Variants in SYNE3 observed in about 807,000 individuals in gnomAD.
SYNE3 encodes the protein spectrin repeat containing nuclear envelope family member 3, also known as nesprin-3.
In SYNE3, 100 loss-of-function variants were observed where a neutral mutation model predicts 111.2. The ratio of observed to expected loss-of-function variants is 0.90; its 90% CI spans 0.77 to 1.06. The LOEUF is 1.06. Ranked by LOEUF, SYNE3 falls within the 50% of genes least tolerant of loss-of-function variation. The pLI is 0.00. For missense variants in SYNE3, 1,160 were observed against 1,240.3 expected (o/e 0.94, Z 0.97); for synonymous variants, 547 against 533.9 (o/e 1.02, Z -0.34).
intron 17 of SYNE3, among the ~76,000 whole-genome samples, chr14:95,420,711 A>AC: frequency 6.6e-6 from 1 of 150,786 alleles, no homozygotes; most frequent in African/African-American, 2.4e-5. Flanking sequence ...TGCTTAGGAA[A>AC]ACACACACAC....
At chr14:95,439,297 A>G (rs759134093) in intron 13 of SYNE3, 135 bp from the exon 14 acceptor site, 22 of 1,312,510 alleles carry the variant, frequency 1.7e-5, no homozygotes, top group Non-Finnish European at 2.4e-5. Context: ...AATGTTCCTG[A>G]GGCATGCTCA....
rs535784290 is a variant in SYNE3, at chr14:95,445,949, A to T, written c.1592T>A (p.Leu531Gln). 1 of 1,614,138 alleles carries T rather than the reference A, an allele frequency of 6.2e-7. No individual in the cohort carries two copies. The highest frequency in any genetic ancestry group is 1.1e-5 in the South Asian group (1 of 91,082). Residue 531 changes from leucine to glutamine, a missense_variant, in exon 9 of 18, where the codon CTG becomes CAG. Leu to Gln is a moderately radical substitution (Grantham distance 113). Coordinates refer to ENST00000682763, the MANE Select transcript of SYNE3 (RefSeq NM_152592.6). ...CCTCTGCAGGAGGCTGTTATGCAGC[A>T]GGTCTCTGTCCCTCATGGAACCTGC... ...QVAGSMRDRD[L>Q]LHNSLLQRKS...
intron 15 of SYNE3, among the ~76,000 whole-genome samples, chr14:95,435,167 T>A (rs1447919732): frequency 1.3e-5 from 2 of 152,116 alleles, no homozygotes; most frequent in Admixed American, 6.6e-5. Flanking sequence ...AAAGATAGGT[T>A]TAAAAATTTC....
intron 1 of SYNE3, among the ~76,000 whole-genome samples, chr14:95,506,137 G>A (rs1014226677): frequency 6.6e-6 from 1 of 152,128 alleles, no homozygotes; most frequent in South Asian, 2.1e-4. Context: ...CAGTGCCCTG[G>A]GCTTGTACCA....
At position 95,417,755 on chromosome 14, in the gene SYNE3, C is replaced by G; in HGVS notation, c.*71G>C. 2 of 1,531,092 alleles carry G rather than the reference C, an allele frequency of 1.3e-6. No individual in the cohort carries two copies. The allele number at this position is 1,531,092 out of a possible 1,614,324, so 94.8% of individuals were successfully genotyped here. On this transcript the variant is annotated 3_prime_UTR_variant, in exon 18 of 18. Coordinates refer to ENST00000682763, the MANE Select transcript of SYNE3 (RefSeq NM_152592.6). ...CTGCCCCTGTTTCCAGTTTCCCTGG[C>G]GAGCATCCTCAGGAGGGGCCCTGGG...
Position 95,466,002 on chromosome 14 carries a change from C to T in SYNE3, c.556G>A (p.Asp186Asn). 1 of 1,610,692 alleles carries T rather than the reference C, an allele frequency of 6.2e-7. No homozygotes were observed. Among genetic ancestry groups the T allele is most frequent in the South Asian group, 1.1e-5 (1 of 90,946 alleles). Residue 186 changes from aspartate (D) to asparagine (N), a missense_variant, in exon 4 of 18, where the codon GAC becomes AAC. Transcript: ENST00000682763. The part of the protein sequence containing the change: ...EAASLFNRIG[D>N]PSVDEDAQKR... ...TGGGCATCTTCGTCCACGCTGGGGT[C>T]CCCGATCCTGTTGAACAGGGAGGCT...
At chr14:95,490,131 G>A (rs937963384) in intron 1 of SYNE3, among the ~76,000 whole-genome samples, 2 of 152,206 alleles carry the variant, frequency 1.3e-5, no homozygotes, top group African/African-American at 4.8e-5. Flanking sequence ...TTCACCTTGG[G>A]GCTTTTTCTA....
chr14:95,434,660 CT>C (rs11300766), intron 15 of SYNE3, among the ~76,000 whole-genome samples: 74,515 of 151,792 alleles, frequency 0.49, 18,495 homozygotes, highest in African/African-American at 0.59. Context: ...TATCCTAAAT[CT>C]TTTTTTTCTT....
Position 95,441,089 on chromosome 14 carries a change from A to G in SYNE3, c.1912-1014T>C, listed in dbSNP as rs140641716. On this transcript the variant is annotated intron_variant, in intron 11 of 17. Transcript: ENST00000682763. ...TTCTTTACATAGCCTGCCATGAACC[A>G]GTCAGACCCCAGGGCCTGCCGTTCC... 4.6e-3 allele frequency among the ~76,000 whole-genome samples: 704 copies of G among 152,280 alleles called. 4 individuals are homozygous for G. Among genetic ancestry groups the G allele is most frequent in the African/African-American group, 0.016 (668 of 41,542 alleles).
rs1182585656 is a variant in SYNE3, at chr14:95,472,546, C to T, written c.144+3132G>A. 7.8e-4 allele frequency among the ~76,000 whole-genome samples: 119 copies of T among 152,226 alleles called. 2 individuals carry two copies. The highest frequency in any genetic ancestry group is 7.7e-3 in the Admixed American group (118 of 15,288). On this transcript the variant is annotated intron_variant, in intron 2 of 17. Transcript: ENST00000682763. ...ATTTCGCCAGCTCTGCCAGCATACC[C>T]TGCACTGTGCATACAAGCATGTCTA...
chr14:95,478,598 C>T (rs1449164153), intron 1 of SYNE3, among the ~76,000 whole-genome samples: 6 of 152,194 alleles, frequency 3.9e-5, no homozygotes, highest in East Asian at 3.8e-4. Flanking sequence ...ATTGCACAGG[C>T]GCTGGTCACT....
At chr14:95,420,271 A>G (rs563683343) in intron 17 of SYNE3, among the ~76,000 whole-genome samples, 1 of 152,190 alleles carries the variant, frequency 6.6e-6, no homozygotes, top group East Asian at 1.9e-4. Context: ...TTCTTCCCAT[A>G]GCTGCTGGGT....
rs556498194 is a variant in SYNE3 at position 95,511,948 on chromosome 14, T to C, written c.-15+4648A>G. On this transcript the variant is annotated intron_variant, in intron 1 of 17. Coordinates refer to ENST00000682763, the MANE Select transcript of SYNE3 (RefSeq NM_152592.6). ...ACCTCGGCCAGGACACTTCGTTTTGTTATAAAACCAGTAGATTGGTCCAGG... is the reference window on the plus strand; with the variant it reads ...ACCTCGGCCAGGACACTTCGTTTTGCTATAAAACCAGTAGATTGGTCCAGG... Among the ~76,000 whole-genome samples the C allele has an allele frequency of 8.5e-5, 13 of 152,212 alleles. No homozygotes were observed. In the East Asian group the frequency reaches 2.5e-3, roughly 29 times the overall value.
chr14:95,433,498 T>C, intron 15 of SYNE3, 89 bp from the exon 16 acceptor site: 2 of 1,545,478 alleles, frequency 1.3e-6, no homozygotes, highest in Non-Finnish European at 1.8e-6. Flanking sequence ...CAAATTTCAC[T>C]TGACAGACAG....
At position 95,433,266 on chromosome 14, in the gene SYNE3, G is replaced by A. The variant is rs749555802; in HGVS notation, c.2682C>T (p.His894=). Residue 894 remains histidine, a synonymous_variant, in exon 16 of 18, where the codon CAC becomes CAT. Coordinates refer to ENST00000682763, the MANE Select transcript of SYNE3 (RefSeq NM_152592.6). Reference sequence around the variant, plus strand: ...GCACATCCTTGGCACCTACCAGCAGGTGGCCAGAGTCCTTCAGCTTGGACT... The same window carrying A: ...GCACATCCTTGGCACCTACCAGCAGATGGCCAGAGTCCTTCAGCTTGGACT... The part of the protein sequence containing the change: ...LYKSKLKDSG[H]LLTQSSPGEP... 3 of 1,613,706 alleles carry A rather than the reference G, an allele frequency of 1.9e-6. No individual in the cohort carries two copies. Among genetic ancestry groups the A allele is most frequent in the Middle Eastern group, 1.7e-4 (1 of 6,060 alleles).
chr14:95,431,844 G>A (rs1885782828), intron 17 of SYNE3, among the ~76,000 whole-genome samples: 1 of 152,230 alleles, frequency 6.6e-6, no homozygotes. Context: ...CTATGTGCCT[G>A]TCCCAGCGGA....
At chr14:95,418,275 T>C (rs1057150610) in intron 17 of SYNE3, among the ~76,000 whole-genome samples, 8 of 152,218 alleles carry the variant, frequency 5.3e-5, no homozygotes, top group African/African-American at 1.9e-4. Context: ...GGCTCTGCCA[T>C]TGTGACATAT....
At chr14:95,450,356 C>T in intron 7 of SYNE3, 1 of 532,116 alleles carries the variant, frequency 1.9e-6, no homozygotes, top group South Asian at 2.5e-5. Context: ...CACTGGGGCT[C>T]CTTGGGACCT....
rs555598757 is a variant in SYNE3, at chr14:95,436,952, G to A, written c.2406C>T (p.Ser802=). Residue 802 remains serine, a synonymous_variant, in exon 15 of 18, where the codon AGC becomes AGT. Transcript: ENST00000682763. ...RANLLQEEEG[S]HEDFSQLLRN... ...TCAGGAGCTGGGAGAAATCTTCATGGCTCCCTTCTTCTTCCTGTAGAAGAT... is the reference window on the plus strand; with the variant it reads ...TCAGGAGCTGGGAGAAATCTTCATGACTCCCTTCTTCTTCCTGTAGAAGAT... 13 of 1,612,258 alleles carry A rather than the reference G, an allele frequency of 8.1e-6. No individual in the cohort carries two copies. Among genetic ancestry groups the A allele is most frequent in the African/African-American group, 8.0e-5 (6 of 74,626 alleles).
Sources: gnomAD v4.1 joint callset for allele counts (sites outside exome capture counted in the v4.1 genomes callset) on GRCh38, gnomAD v4.1.1 for gene constraint, MANE v1.5 for transcripts, NCBI Gene and HGNC (gene_info 2026-07-23, HGNC 2026-07-21) for gene names.